Variants in PSMA5 observed in about 807,000 individuals in gnomAD.
The protein encoded by PSMA5 is proteasome subunit alpha type-5.
Under a neutral mutation model 34.5 loss-of-function variants are expected in PSMA5, and 3 were observed. That is an observed-to-expected ratio of 0.09 (90% CI 0.04 to 0.22). The LOEUF is 0.22. PSMA5 is among the 10% of genes least tolerant of loss of function. The pLI is 1.00. For missense variants in PSMA5, 120 were observed against 286.1 expected, an observed-to-expected ratio of 0.42 and a Z score of 4.19; for synonymous variants, 88 against 95.8, an observed-to-expected ratio of 0.92 and a Z score of 0.47.
At chr1:109,402,170 T>A in intron 8 of PSMA5, 80 bp from the exon 9 acceptor site, 1 of 1,008,912 alleles carries the variant, frequency 9.9e-7, no homozygotes, top group African/African-American at 1.6e-5. Flanking sequence ...AGAAGCTGTG[T>A]TGGTGATGCA....
chr1:109,407,848 T>C (rs562310342), intron 8 of PSMA5, among the ~76,000 whole-genome samples: 1 of 152,238 alleles, frequency 6.6e-6, no homozygotes, highest in Non-Finnish European at 1.5e-5. Context: ...TTTCACTATG[T>C]TGGCCAGGCT....
At chr1:109,419,338 C>T (rs1046487434) in intron 2 of PSMA5, among the ~76,000 whole-genome samples, 1 of 152,082 alleles carries the variant, frequency 6.6e-6, no homozygotes, top group Non-Finnish European at 1.5e-5. Flanking sequence ...AACAACCAGT[C>T]CAGACTGGAG....
intron 1 of PSMA5, 41 bp downstream of exon 1, chr1:109,426,261 C>T (rs1654655466): frequency 6.2e-7 from 1 of 1,612,868 alleles, no homozygotes; most frequent in South Asian, 1.1e-5. Context: ...CCGGGCCTGC[C>T]CACCCATAAT....
At chr1:109,404,892 G>A (rs1653681922) in intron 8 of PSMA5, among the ~76,000 whole-genome samples, 1 of 152,226 alleles carries the variant, frequency 6.6e-6, no homozygotes. Flanking sequence ...ATAGAACTAA[G>A]AATATGTTTA....
intron 1 of PSMA5, among the ~76,000 whole-genome samples, chr1:109,424,283 C>A (rs917613556): frequency 6.6e-6 from 1 of 151,736 alleles, no homozygotes; most frequent in South Asian, 2.1e-4. Context: ...ACTATAGTTA[C>A]TTCTGTAAAC....
intron 1 of PSMA5, 90 bp downstream of exon 1, chr1:109,426,211 GC>G: frequency 6.5e-7 from 1 of 1,534,720 alleles, no homozygotes; most frequent in Non-Finnish European, 9.0e-7. Flanking sequence ...TTCCTGGGGA[GC>G]CCCATGACAC....
At chr1:109,419,618 T>C (rs1382796039) in intron 2 of PSMA5, among the ~76,000 whole-genome samples, 2 of 151,836 alleles carry the variant, frequency 1.3e-5, no homozygotes, top group African/African-American at 4.8e-5. Flanking sequence ...GCCTGACCGA[T>C]ATGGTGAAAC....
chr1:109,421,017 C>CCAA (rs1338297647), intron 2 of PSMA5, among the ~76,000 whole-genome samples: 1 of 135,508 alleles, frequency 7.4e-6, no homozygotes, highest in Non-Finnish European at 1.6e-5. Context: ...CACATCTCTA[C>CCAA]CAAAAAAAAA....
intron 2 of PSMA5, among the ~76,000 whole-genome samples, chr1:109,418,437 T>C (rs898584956): frequency 2.0e-5 from 3 of 152,148 alleles, no homozygotes; most frequent in Admixed American, 2.0e-4. Flanking sequence ...CACCTAAGCC[T>C]GCAAAATAGC....
intron 3 of PSMA5, among the ~76,000 whole-genome samples, chr1:109,414,638 A>G (rs774588837): frequency 3.3e-5 from 5 of 152,232 alleles, no homozygotes; most frequent in Non-Finnish European, 7.3e-5. Flanking sequence ...TTCAGTTTCT[A>G]TATCTATGAA....
chr1:109,422,452 T>G lies in PSMA5; in HGVS notation c.30-526A>C, dbSNP rs190839067. Among the ~76,000 whole-genome samples the G allele has an allele frequency of 1.6e-3, 249 of 151,964 alleles. 2 individuals are homozygous for G. Among genetic ancestry groups the G allele is most frequent in the African/African-American group, 5.6e-3 (233 of 41,392 alleles). ...AAGTAGGAAGAGTTTTCCCCCTAAT[T>G]CAGACAATCTCTATAAAACACAGTT... On this transcript the variant is annotated intron_variant, in intron 1 of 8. Transcript: ENST00000271308.
chr1:109,423,948 C>T (rs1654545949), intron 1 of PSMA5, among the ~76,000 whole-genome samples: 2 of 152,180 alleles, frequency 1.3e-5, no homozygotes, highest in Admixed American at 1.3e-4. Flanking sequence ...TATTAAAAAC[C>T]ATTCAATATC....
At chr1:109,415,611 T>A (rs897911718) in intron 2 of PSMA5, among the ~76,000 whole-genome samples, 1 of 152,328 alleles carries the variant, frequency 6.6e-6, no homozygotes. Flanking sequence ...TTTTTTAAAA[T>A]TTTTAATGTT....
intron 8 of PSMA5, among the ~76,000 whole-genome samples, chr1:109,406,158 T>C (rs1163790644): frequency 6.6e-6 from 1 of 152,166 alleles, no homozygotes; most frequent in Non-Finnish European, 1.5e-5. Flanking sequence ...CAAATGATAG[T>C]TCCAAAGAGT....
At chr1:109,423,501 C>T (rs1654528922) in intron 1 of PSMA5, among the ~76,000 whole-genome samples, 3 of 152,230 alleles carry the variant, frequency 2.0e-5, no homozygotes, top group South Asian at 4.1e-4. Context: ...CTGAACATTT[C>T]CACTTGCATA....
rs369208084 is a variant in PSMA5 at position 109,410,000 on chromosome 1, T to C, written c.576A>G (p.Lys192=). 1.9e-6 allele frequency: 3 copies of C among 1,604,458 alleles called. No homozygotes were observed. The highest frequency in any genetic ancestry group is 2.6e-6 in the Non-Finnish European group (3 of 1,172,684). Residue 192 remains lysine (K), a synonymous_variant, in exon 8 of 9, where the codon AAA becomes AAG. Coordinates refer to ENST00000271308, the MANE Select transcript of PSMA5 (RefSeq NM_002790.4). ...QEVYHKSMTL[K]EAIKSSLIIL... ...TGATGAGTGAAGACTTGATGGCTTC[T>C]TTCAAAGTCATAGACTTGAAACAAA... is the stretch of plus-strand genomic sequence containing the variant.
intron 8 of PSMA5, among the ~76,000 whole-genome samples, chr1:109,407,403 T>C (rs2100956440): frequency 6.6e-6 from 1 of 152,298 alleles, no homozygotes; most frequent in African/African-American, 2.4e-5. Flanking sequence ...CTCCCAAATG[T>C]CAGTCCTTCT....
chr1:109,414,243 T>C (rs1654110765), intron 3 of PSMA5, among the ~76,000 whole-genome samples: 1 of 152,224 alleles, frequency 6.6e-6, no homozygotes, highest in South Asian at 2.1e-4. Context: ...TTGTTTGCCT[T>C]GTGTACACTT....
At chr1:109,423,397 C>T (rs575793210) in intron 1 of PSMA5, among the ~76,000 whole-genome samples, 7 of 152,206 alleles carry the variant, frequency 4.6e-5, no homozygotes, top group Non-Finnish European at 1.0e-4. Flanking sequence ...CGAGATGGTG[C>T]CACTACACTC....
Sources: allele counts gnomAD v4.1 joint callset (sites outside exome capture counted in the v4.1 genomes callset), GRCh38; gene constraint gnomAD v4.1.1; transcripts MANE v1.5; gene names NCBI Gene and HGNC (gene_info 2026-07-23, HGNC 2026-07-21).